The following SEMA3E variants were observed in gnomAD, a reference collection of about 807,000 sequenced individuals.
SEMA3E encodes semaphorin-3E.
SEMA3E carries 49 observed loss-of-function variants against 93.6 expected under a neutral mutation model. The observed-to-expected ratio is 0.52, with a 90% CI of 0.42 to 0.66. The LOEUF (loss-of-function observed/expected upper bound fraction) is 0.66, where lower values mean the gene tolerates loss of function less well. Among genes scored for constraint, SEMA3E ranks in the 30% least tolerant of loss-of-function variants. SEMA3E has a pLI of 0.00. For synonymous variants in SEMA3E, 363 were observed against 330.7 expected, an observed-to-expected ratio of 1.10 and a Z score of -1.06; for missense variants, 906 against 964.8, an observed-to-expected ratio of 0.94 and a Z score of 0.81.
At chr7:83,613,265 T>A (rs1447349593) in intron 1 of SEMA3E, among the ~76,000 whole-genome samples, 2 of 152,052 alleles carry the variant, frequency 1.3e-5, no homozygotes, top group Non-Finnish European at 2.9e-5. Context: ...CTCATCCTCC[T>A]GTCAGTAAGA....
intron 1 of SEMA3E, among the ~76,000 whole-genome samples, chr7:83,567,451 T>C (rs1792186377): frequency 1.3e-5 from 2 of 152,128 alleles, no homozygotes; most frequent in South Asian, 2.1e-4. Context: ...CTACAAAATA[T>C]ACATTCTTCC....
chr7:83,568,386 T>A (rs79174756), intron 1 of SEMA3E, among the ~76,000 whole-genome samples: 4 of 151,890 alleles, frequency 2.6e-5, no homozygotes, highest in Non-Finnish European at 4.4e-5. Context: ...GAGGCCAACA[T>A]CACCCTGATA....
chr7:83,444,189 G>C (rs554326161), intron 4 of SEMA3E, among the ~76,000 whole-genome samples: 14 of 152,278 alleles, frequency 9.2e-5, no homozygotes, highest in African/African-American at 3.1e-4. Flanking sequence ...GTTCCAAACA[G>C]AGAATAAGGA....
chr7:83,462,218 G>A (rs2722997), intron 4 of SEMA3E: 78,942 of 151,900 alleles, frequency 0.52, 22,993 homozygotes, highest in East Asian at 0.87. Flanking sequence ...AGGTAGGCCC[G>A]TCCCCTTCTT....
chr7:83,562,349 G>A lies in SEMA3E; in HGVS notation c.116-72075C>T, dbSNP rs760591399. On this transcript the variant is annotated intron_variant, in intron 1 of 16. Transcript: ENST00000643230. Reference sequence around the variant, plus strand: ...AACTGCATTTGTATAATGTAATTGAGAGTCAATATCTTTTCCCACCTTGCT... The same window carrying A: ...AACTGCATTTGTATAATGTAATTGAAAGTCAATATCTTTTCCCACCTTGCT... Among the ~76,000 whole-genome samples, 60 of 152,006 alleles carry A rather than the reference G, an allele frequency of 3.9e-4. 1 individual carries two copies. Among genetic ancestry groups the A allele is most frequent in the Non-Finnish European group, 8.4e-4 (57 of 67,992 alleles).
intron 1 of SEMA3E, among the ~76,000 whole-genome samples, chr7:83,638,601 A>G (rs1205510688): frequency 6.6e-6 from 1 of 152,218 alleles, no homozygotes; most frequent in African/African-American, 2.4e-5. Context: ...TAATGGTAAT[A>G]TAGTTAGATA....
chr7:83,454,147 A>G (rs938554717), intron 4 of SEMA3E, among the ~76,000 whole-genome samples: 7 of 150,050 alleles, frequency 4.7e-5, no homozygotes, highest in Admixed American at 1.3e-4. Context: ...AGTCCCAGCT[A>G]CTCGGGAGGC....
At chr7:83,629,645 A>C (rs763589498) in intron 1 of SEMA3E, among the ~76,000 whole-genome samples, 1 of 152,022 alleles carries the variant, frequency 6.6e-6, no homozygotes, top group Non-Finnish European at 1.5e-5. Context: ...CCTCCCCCCA[A>C]GCTTGAGTGT....
Position 83,480,501 on chromosome 7 carries a change from T to C in SEMA3E, c.276+9613A>G, listed in dbSNP as rs1790123397. Among the ~76,000 whole-genome samples, 5 of 152,176 alleles carry C rather than the reference T, an allele frequency of 3.3e-5. No homozygotes were observed. In the South Asian group the frequency reaches 8.3e-4, roughly 25 times the overall value. ...CACAGGGAATGTTTTTTCTATACTT[T>C]TTTTTTCTTCAAAGAATTGTTTGAA... On this transcript the variant is annotated intron_variant, in intron 2 of 16. Transcript: ENST00000643230.
intron 10 of SEMA3E, among the ~76,000 whole-genome samples, chr7:83,401,044 C>A (rs1788225155): frequency 6.6e-6 from 1 of 151,992 alleles, no homozygotes; most frequent in African/African-American, 2.4e-5. Context: ...TTATCAATGG[C>A]AAAAAGACAC....
intron 4 of SEMA3E, among the ~76,000 whole-genome samples, chr7:83,431,722 AT>A (rs1168153358): frequency 6.6e-6 from 1 of 152,178 alleles, no homozygotes; most frequent in Non-Finnish European, 1.5e-5. Flanking sequence ...AGCAAGTGGT[AT>A]TAATGGGTAA....
intron 1 of SEMA3E, among the ~76,000 whole-genome samples, chr7:83,582,244 A>G (rs1190843901): frequency 6.6e-6 from 1 of 150,764 alleles, no homozygotes; most frequent in Non-Finnish European, 1.5e-5. Flanking sequence ...AAATAGTAAT[A>G]TATACATATA....
intron 1 of SEMA3E, among the ~76,000 whole-genome samples, chr7:83,524,140 C>T (rs977395318): frequency 6.6e-6 from 1 of 152,006 alleles, no homozygotes; most frequent in Non-Finnish European, 1.5e-5. Flanking sequence ...TTGATTTATA[C>T]TTAGATAAGC....
At chr7:83,454,487 G>A (rs1374821482) in intron 4 of SEMA3E, among the ~76,000 whole-genome samples, 1 of 151,674 alleles carries the variant, frequency 6.6e-6, no homozygotes, top group Non-Finnish European at 1.5e-5. Flanking sequence ...TAAATGCATG[G>A]CTATAATGAT....
chr7:83,492,248 T>C (rs1417520268), intron 1 of SEMA3E, among the ~76,000 whole-genome samples: 1 of 152,016 alleles, frequency 6.6e-6, no homozygotes. Flanking sequence ...GATTCAATTA[T>C]GAGGGATTTT....
chr7:83,555,301 C>T (rs560810101), intron 1 of SEMA3E, among the ~76,000 whole-genome samples: 5 of 152,310 alleles, frequency 3.3e-5, no homozygotes, highest in Admixed American at 2.0e-4. Context: ...GCATGTAACA[C>T]AACTGCACTT....
chr7:83,415,922 G>A (rs1168134537), intron 5 of SEMA3E, among the ~76,000 whole-genome samples: 1 of 152,076 alleles, frequency 6.6e-6, no homozygotes. Context: ...CAGAGAACAT[G>A]TGTGGTCACA....
rs374445094 is a variant in SEMA3E at position 83,494,329 on chromosome 7, T to C, written c.116-4055A>G. Among the ~76,000 whole-genome samples, 4 of 151,804 alleles carry C rather than the reference T, an allele frequency of 2.6e-5. No homozygotes were observed. In the East Asian group the frequency reaches 5.8e-4, roughly 22 times the overall value. ...TCAATTGCTTAGGAGCATTATCTAG[T>C]ATTAAGAACTAAGAGAAATTTCTTC... On this transcript the variant is annotated intron_variant, in intron 1 of 16. Transcript: ENST00000643230.
intron 1 of SEMA3E, among the ~76,000 whole-genome samples, chr7:83,510,127 G>C (rs199834992): frequency 6.6e-6 from 1 of 151,932 alleles, no homozygotes; most frequent in Admixed American, 6.6e-5. Flanking sequence ...TCTGTTTTTT[G>C]GAATGGCCAT....
Sources: gnomAD v4.1 joint callset for allele counts (sites outside exome capture counted in the v4.1 genomes callset) on GRCh38, gnomAD v4.1.1 for gene constraint, MANE v1.5 for transcripts, NCBI Gene and HGNC (gene_info 2026-07-23, HGNC 2026-07-21) for gene names.